CACNA1E: variants seen among roughly 807,000 people sequenced by gnomAD.
CACNA1E encodes voltage-dependent R-type calcium channel subunit alpha-1E.
Under a neutral mutation model 259.2 loss-of-function variants are expected in CACNA1E, and 40 were observed. That is an observed-to-expected ratio of 0.15 (90% CI 0.12 to 0.20). The LOEUF (loss-of-function observed/expected upper bound fraction) is 0.20, where lower values mean the gene tolerates loss of function less well. Ranked by LOEUF, CACNA1E falls within the 10% of genes least tolerant of loss-of-function variation. The pLI is 1.00. For synonymous variants in CACNA1E, 1,104 were observed against 1,138.5 expected, an observed-to-expected ratio of 0.97 and a Z score of 0.61; for missense variants, 1,874 against 3,040.1, an observed-to-expected ratio of 0.62 and a Z score of 9.02.
chr1:181,537,337 GATCCACCCACC>G (rs1333515070), intron 3 of CACNA1E, among the ~76,000 whole-genome samples: 3 of 152,032 alleles, frequency 2.0e-5, no homozygotes, highest in Non-Finnish European at 4.4e-5. Context: ...AACCTCAGGC[GATCCACCCACC>G]TTGGCCTCCC....
chr1:181,503,694 G>A (rs1289919375), intron 1 of CACNA1E, among the ~76,000 whole-genome samples: 1 of 152,176 alleles, frequency 6.6e-6, no homozygotes, highest in Non-Finnish European at 1.5e-5. Flanking sequence ...AACTGTATTT[G>A]TGCAACACTT....
intron 3 of CACNA1E, among the ~76,000 whole-genome samples, chr1:181,541,958 G>C (rs903556706): frequency 3.5e-4 from 54 of 152,158 alleles, no homozygotes; most frequent in African/African-American, 1.3e-3. Flanking sequence ...TGTGGCTTTT[G>C]AGGCTAGGTC....
chr1:181,732,238 A>T lies in CACNA1E; in HGVS notation c.2298-146A>T. Reference sequence around the variant, plus strand: ...CACGTGTGGCCCGCCTGCTCCTCGCATCTTTCTGTGCTTCCTGTCTGCAGG... The same window carrying T: ...CACGTGTGGCCCGCCTGCTCCTCGCTTCTTTCTGTGCTTCCTGTCTGCAGG... On this transcript the variant is annotated intron_variant, in intron 19 of 47. Coordinates refer to ENST00000367573, the MANE Select transcript of CACNA1E (RefSeq NM_001205293.3). This position sits in a 1 kb window ranked among gnomAD's most constrained non-coding sequence, Gnocchi z 5.5. 7.8e-7 allele frequency: 1 copy of T among 1,277,280 alleles called. No individual in the cohort carries two copies. Among genetic ancestry groups the T allele is most frequent in the South Asian group, 2.0e-5 (1 of 50,642 alleles). 79.1% of individuals were successfully genotyped at this position (1,277,280 alleles called of 1,614,324 possible).
chr1:181,465,340 A>G (rs1418832847), intron 2 of CACNA1E, among the ~76,000 whole-genome samples: 1 of 152,122 alleles, frequency 6.6e-6, no homozygotes, highest in Non-Finnish European at 1.5e-5. Context: ...CTTAGAATTC[A>G]TTGAATTTCT....
chr1:181,391,923 CTG>C (rs1417733288), intron 1 of CACNA1E, among the ~76,000 whole-genome samples: 1 of 105,734 alleles, frequency 9.5e-6, no homozygotes, highest in Non-Finnish European at 1.9e-5. Context: ...TTCTCTCTCT[CTG>C]TCTCTCTCTC....
At chr1:181,648,680 A>G (rs747935606) in intron 6 of CACNA1E, among the ~76,000 whole-genome samples, 1 of 152,240 alleles carries the variant, frequency 6.6e-6, no homozygotes, top group African/African-American at 2.4e-5. Flanking sequence ...AATTTTGGAC[A>G]TCCTCATTAC....
At chr1:181,466,953 G>T (rs1662193312) in intron 2 of CACNA1E, among the ~76,000 whole-genome samples, 1 of 152,224 alleles carries the variant, frequency 6.6e-6, no homozygotes, top group African/African-American at 2.4e-5. Context: ...CTAATGGAGA[G>T]GTTAGTAAGA....
In CACNA1E at chr1:181,796,689, G is replaced by A. The variant is rs759720068; in HGVS notation, c.6230G>A (p.Arg2077His). The change falls in exon 47 of 48, where the codon CGC becomes CAC. Residue 2077 changes from arginine (R) to histidine (H), a missense_variant. Arg to His is a conservative substitution (Grantham distance 29). This residue lies in a region of CACNA1E where 542 missense variants were observed against 587.2 expected (regional missense o/e 0.92). Transcript: ENST00000367573. ...ACAGGCCACAAGTCTGACACTCACC[G>A]CTCAGGGGGCAGGGAGCGGGGACGA... ...SDSGHKSDTH[R>H]SGGRERGRSK... 3.6e-5 allele frequency: 57 copies of A among 1,603,794 alleles called. No individual in the cohort carries two copies. Among genetic ancestry groups the A allele is most frequent in the Middle Eastern group, 1.7e-4 (1 of 6,018 alleles).
chr1:181,760,197 T>C (rs1018789394), intron 32 of CACNA1E, among the ~76,000 whole-genome samples: 3 of 152,098 alleles, frequency 2.0e-5, no homozygotes, highest in Non-Finnish European at 4.4e-5. Context: ...TTATGGTGAG[T>C]GCTGAATATA....
chr1:181,632,276 T>A (rs2101949820), intron 6 of CACNA1E, among the ~76,000 whole-genome samples: 1 of 152,186 alleles, frequency 6.6e-6, no homozygotes, highest in African/African-American at 2.4e-5. Flanking sequence ...CTTGTATCCG[T>A]ACATTTCCAG....
chr1:181,745,354 C>A, intron 25 of CACNA1E: 1 of 489,580 alleles, frequency 2.0e-6, no homozygotes, highest in Non-Finnish European at 4.0e-6. Context: ...TAATTAACAG[C>A]ATGAAATTGG....
chr1:181,406,408 T>A (rs1657465067), intron 1 of CACNA1E, among the ~76,000 whole-genome samples: 1 of 152,128 alleles, frequency 6.6e-6, no homozygotes, highest in Non-Finnish European at 1.5e-5. Context: ...CTTTTTTTTC[T>A]TTTTTTGAGA....
At chr1:181,497,911 G>C (rs181657077) in intron 1 of CACNA1E, among the ~76,000 whole-genome samples, 1 of 152,146 alleles carries the variant, frequency 6.6e-6, no homozygotes, top group Non-Finnish European at 1.5e-5. Flanking sequence ...AGACATCCTG[G>C]CCTGGGTCAC....
chr1:181,369,799 T>TA (rs1571687593), intron 1 of CACNA1E, among the ~76,000 whole-genome samples: 1 of 152,208 alleles, frequency 6.6e-6, no homozygotes. Context: ...TTTGTCTTTT[T>TA]AAAAAAATCT....
Position 181,798,547 on chromosome 1 carries a change from A to G in CACNA1E, c.6655A>G (p.Ser2219Gly), listed in dbSNP as rs1279936306. Residue 2219 changes from serine (S) to glycine (G), a missense_variant, in exon 48 of 48, where the codon AGC becomes GGC. Physicochemically the swap from Ser to Gly is moderately conservative, Grantham distance 56. Transcript: ENST00000367573. This position sits in a 1 kb window ranked among gnomAD's most constrained non-coding sequence, Gnocchi z 4.2. ...TTCCAACTCTCCGCACCCCCAGCAG[A>G]GCCAACATGCCTCCCCACAGCGCTA... is the stretch of plus-strand genomic sequence containing the variant. ...ESSNSPHPQQ[S>G]QHASPQRYIS... is the part of the protein sequence containing the mutation. 6.2e-7 allele frequency: 1 copy of G among 1,613,822 alleles called. No individual in the cohort carries two copies. The highest frequency in any genetic ancestry group is 1.6e-4 in the Middle Eastern group (1 of 6,062).
chr1:181,782,329 T>G (rs954212013), intron 39 of CACNA1E, among the ~76,000 whole-genome samples: 1 of 152,252 alleles, frequency 6.6e-6, no homozygotes, highest in African/African-American at 2.4e-5. Context: ...GGGAGTCACT[T>G]GCCCTTGGGG....
intron 9 of CACNA1E, among the ~76,000 whole-genome samples, chr1:181,715,779 C>G (rs561668455): frequency 6.6e-6 from 1 of 152,140 alleles, no homozygotes; most frequent in Non-Finnish European, 1.5e-5. Context: ...TACGGAGTGC[C>G]TGTTTACCTC....
intron 7 of CACNA1E, among the ~76,000 whole-genome samples, chr1:181,691,197 T>A (rs1651117415): frequency 1.3e-5 from 2 of 151,856 alleles, no homozygotes; most frequent in Non-Finnish European, 2.9e-5. Context: ...ATTAAAAATA[T>A]ATATGTGTAT....
chr1:181,727,948 C>A (rs1038285857), intron 18 of CACNA1E, among the ~76,000 whole-genome samples: 7 of 152,150 alleles, frequency 4.6e-5, no homozygotes, highest in Non-Finnish European at 1.0e-4. Flanking sequence ...CCTGCACGGC[C>A]ATCATGTTGC....
Sources: allele counts gnomAD v4.1 joint callset (sites outside exome capture counted in the v4.1 genomes callset), GRCh38; gene constraint gnomAD v4.1.1; regional missense constraint gnomAD v4.1.1; non-coding constraint Gnocchi (gnomAD v3.1); transcripts MANE v1.5; gene names NCBI Gene and HGNC (gene_info 2026-07-23, HGNC 2026-07-21).